KIDINS220: variants seen among roughly 807,000 people sequenced by gnomAD.
KIDINS220 encodes the protein kinase D-interacting substrate of 220 kDa.
A neutral mutation model predicts 157.6 loss-of-function variants in KIDINS220; 63 were observed. That is an observed-to-expected ratio of 0.40 (90% CI 0.33 to 0.49). The LOEUF (loss-of-function observed/expected upper bound fraction) is 0.49, where lower values mean the gene tolerates loss of function less well. Ranked by LOEUF, KIDINS220 falls within the 20% of genes least tolerant of loss-of-function variation. KIDINS220 has a pLI of 0.66. For missense variants in KIDINS220, 1,772 were observed against 2,171.2 expected (o/e 0.82, Z 3.65); for synonymous variants, 732 against 783.6 (o/e 0.93, Z 1.10).
At chr2:8,736,100 G>C (rs575872500) in intron 27 of KIDINS220, among the ~76,000 whole-genome samples, 1 of 152,164 alleles carries the variant, frequency 6.6e-6, no homozygotes, top group Non-Finnish European at 1.5e-5. Flanking sequence ...TGAGTAAAAT[G>C]GTGTCTACAT....
intron 9 of KIDINS220, 148 bp downstream of exon 9, chr2:8,800,252 T>G: frequency 1.9e-6 from 1 of 516,122 alleles, no homozygotes. Context: ...ATAATGGCAG[T>G]GAAACTTAGT....
At chr2:8,768,929 T>C (rs1269389120) in intron 22 of KIDINS220, among the ~76,000 whole-genome samples, 1 of 152,214 alleles carries the variant, frequency 6.6e-6, no homozygotes, top group Non-Finnish European at 1.5e-5. Flanking sequence ...ATTTTTTCTC[T>C]TCCTTAGACT....
intron 2 of KIDINS220, among the ~76,000 whole-genome samples, chr2:8,820,520 TA>T (rs1296186523): frequency 6.6e-6 from 1 of 152,178 alleles, no homozygotes; most frequent in African/African-American, 2.4e-5. Flanking sequence ...ATAATACAAG[TA>T]AGGATTTAAA....
At chr2:8,754,549 G>A (rs1165515088) in intron 22 of KIDINS220, among the ~76,000 whole-genome samples, 1 of 152,148 alleles carries the variant, frequency 6.6e-6, no homozygotes, top group Non-Finnish European at 1.5e-5. Flanking sequence ...AAAACCTCAG[G>A]CATCAATGAG....
chr2:8,817,247 A>G (rs1677201621), intron 4 of KIDINS220, among the ~76,000 whole-genome samples: 1 of 152,220 alleles, frequency 6.6e-6, no homozygotes, highest in African/African-American at 2.4e-5. Flanking sequence ...ATTATTCTGA[A>G]AAGTATAACT....
At chr2:8,746,069 T>G (rs1157216978) in intron 26 of KIDINS220, among the ~76,000 whole-genome samples, 2 of 151,752 alleles carry the variant, frequency 1.3e-5, no homozygotes, top group Non-Finnish European at 2.9e-5. Flanking sequence ...CCTCACAAAC[T>G]TATTTCTTAT....
At chr2:8,774,538 G>A (rs1670705667) in intron 21 of KIDINS220, among the ~76,000 whole-genome samples, 1 of 152,098 alleles carries the variant, frequency 6.6e-6, no homozygotes, top group Non-Finnish European at 1.5e-5. Flanking sequence ...TTGTAGAAAA[G>A]CTGACATTTA....
At chr2:8,801,336 T>C (rs1674656823) in intron 8 of KIDINS220, among the ~76,000 whole-genome samples, 1 of 152,174 alleles carries the variant, frequency 6.6e-6, no homozygotes, top group African/African-American at 2.4e-5. Flanking sequence ...TTAAGGGTTA[T>C]TAAGTTCAGC....
At chr2:8,828,309 T>C (rs1294130187) in intron 1 of KIDINS220, among the ~76,000 whole-genome samples, 1 of 152,186 alleles carries the variant, frequency 6.6e-6, no homozygotes. Flanking sequence ...GGTTACAAAG[T>C]CTCACCGGAT....
At chr2:8,797,594 T>C (rs951449318) in intron 10 of KIDINS220, among the ~76,000 whole-genome samples, 4 of 152,208 alleles carry the variant, frequency 2.6e-5, no homozygotes, top group Admixed American at 6.5e-5. Context: ...GCAGATGACA[T>C]AGGATTGTCT....
chr2:8,748,496 T>C (rs1304226660), intron 24 of KIDINS220, among the ~76,000 whole-genome samples: 2 of 152,224 alleles, frequency 1.3e-5, no homozygotes, highest in Non-Finnish European at 2.9e-5. Flanking sequence ...AGTTCACCTC[T>C]AGTTTACACC....
At chr2:8,755,718 C>T (rs949108259) in intron 22 of KIDINS220, among the ~76,000 whole-genome samples, 5 of 152,188 alleles carry the variant, frequency 3.3e-5, no homozygotes, top group Non-Finnish European at 7.3e-5. Context: ...TTATCCCAGC[C>T]CCACTTGTTG....
intron 22 of KIDINS220, among the ~76,000 whole-genome samples, chr2:8,753,975 C>T (rs549428287): frequency 1.4e-4 from 22 of 152,202 alleles, no homozygotes; most frequent in African/African-American, 4.8e-4. Flanking sequence ...ACATTAAAAT[C>T]GTGTTCAAAC....
intron 3 of KIDINS220, among the ~76,000 whole-genome samples, chr2:8,818,298 T>C (rs939007325): frequency 6.6e-6 from 1 of 152,184 alleles, no homozygotes; most frequent in Admixed American, 6.5e-5. Context: ...CCGTGTGGAA[T>C]GTTGATTTAC....
downstream of KIDINS220, among the ~76,000 whole-genome samples, chr2:8,728,108 C>T (rs557952579): frequency 3.9e-5 from 6 of 152,218 alleles, no homozygotes; most frequent in East Asian, 1.2e-3. Context: ...TTTGGGAGGC[C>T]GAGGAGGGAG....
chr2:8,835,133 G>A (rs934249816), intron 1 of KIDINS220, among the ~76,000 whole-genome samples: 18 of 152,322 alleles, frequency 1.2e-4, no homozygotes, highest in African/African-American at 4.1e-4. Flanking sequence ...ACAGGTGTGA[G>A]CCTGCATGCC....
At chr2:8,739,129 C>T (rs1432247831) in intron 26 of KIDINS220, among the ~76,000 whole-genome samples, 3 of 152,062 alleles carry the variant, frequency 2.0e-5, no homozygotes, top group Non-Finnish European at 4.4e-5. Flanking sequence ...ATAAAGACAC[C>T]GCCCTTTTCC....
downstream of KIDINS220, among the ~76,000 whole-genome samples, chr2:8,728,606 T>C (rs1663592634): frequency 6.6e-6 from 1 of 152,230 alleles, no homozygotes; most frequent in South Asian, 2.1e-4. Context: ...AGGAAGTTCA[T>C]GGAATAAACT....
intron 26 of KIDINS220, among the ~76,000 whole-genome samples, chr2:8,744,389 ATATATATATATAATATATATAT>A (rs1558328363): frequency 1.1e-4 from 3 of 27,890 alleles, no homozygotes; most frequent in African/African-American, 1.7e-4. Flanking sequence ...AAAAAAAAAA[ATATATATATATAATATATATAT>A]ATATATATAT....
Sources: gnomAD v4.1 joint callset for allele counts (sites outside exome capture counted in the v4.1 genomes callset) on GRCh38, gnomAD v4.1.1 for gene constraint, MANE v1.5 for transcripts, NCBI Gene and HGNC (gene_info 2026-07-23, HGNC 2026-07-21) for gene names.